The following MTIF3 variants were observed in gnomAD, a reference collection of about 807,000 sequenced individuals.
MTIF3 encodes the protein translation initiation factor IF-3, mitochondrial.
A neutral mutation model predicts 20.7 loss-of-function variants in MTIF3; 13 were observed. The observed-to-expected ratio is 0.63, with a 90% CI of 0.41 to 1.00. MTIF3 has a LOEUF of 1.00. Ranked by LOEUF, MTIF3 falls within the 50% of genes least tolerant of loss-of-function variation. MTIF3 has a pLI of 0.00. For synonymous variants in MTIF3, 114 were observed against 112.5 expected (o/e 1.01, Z -0.08); for missense variants, 295 against 324.5 (o/e 0.91, Z 0.70).
intron 1 of MTIF3, among the ~76,000 whole-genome samples, chr13:27,446,943 C>T (rs965631739): frequency 3.3e-5 from 5 of 151,988 alleles, no homozygotes; most frequent in African/African-American, 4.8e-5. Context: ...CTATATAATT[C>T]GTCCATGTAA....
intron 2 of MTIF3, among the ~76,000 whole-genome samples, chr13:27,443,921 CTA>C (rs1186670787): frequency 6.6e-6 from 1 of 151,902 alleles, no homozygotes; most frequent in Non-Finnish European, 1.5e-5. Flanking sequence ...AAAATAAAGA[CTA>C]TTTCAGAAAA....
At chr13:27,436,825 C>T (rs935663641) in intron 4 of MTIF3, among the ~76,000 whole-genome samples, 3 of 139,422 alleles carry the variant, frequency 2.2e-5, no homozygotes, top group African/African-American at 8.1e-5. Context: ...GATCTCGGCT[C>T]ACTGCAAGCT....
At chr13:27,440,495 C>A in intron 2 of MTIF3, 46 bp from the exon 3 acceptor site, 1 of 1,446,856 alleles carries the variant, frequency 6.9e-7, no homozygotes, top group South Asian at 1.3e-5. Context: ...ATCACTTATT[C>A]CCTTGGTCTG....
chr13:27,438,832 T>TTGAC (rs1451854659), intron 3 of MTIF3, among the ~76,000 whole-genome samples: 1 of 151,860 alleles, frequency 6.6e-6, no homozygotes, highest in African/African-American at 2.4e-5. Context: ...TTGACGTCAT[T>TTGAC]ATCCTCCCTG....
At chr13:27,443,053 C>T (rs543879267) in intron 2 of MTIF3, among the ~76,000 whole-genome samples, 154 of 152,366 alleles carry the variant, frequency 1.0e-3, no homozygotes, top group African/African-American at 3.1e-3. Flanking sequence ...TGGCATTTAA[C>T]CTCTACACCT....
At chr13:27,436,745 A>ATTTTTTTTTTT (rs66903644) in intron 4 of MTIF3, among the ~76,000 whole-genome samples, 1 of 90,192 alleles carries the variant, frequency 1.1e-5, no homozygotes, top group Non-Finnish European at 2.0e-5. Context: ...ATTTTCTACA[A>ATTTTTTTTTTT]TTTTTTTTTT....
intron 4 of MTIF3, among the ~76,000 whole-genome samples, chr13:27,436,211 C>T (rs1186017112): frequency 6.6e-6 from 1 of 152,160 alleles, no homozygotes; most frequent in African/African-American, 2.4e-5. Flanking sequence ...AATACCTCCT[C>T]ATCCCCAAGG....
chr13:27,436,409 TA>T (rs199637855), intron 4 of MTIF3, among the ~76,000 whole-genome samples: 45 of 143,046 alleles, frequency 3.1e-4, no homozygotes, highest in Admixed American at 2.8e-4. Context: ...ATCTAACTTT[TA>T]AAAAAAAAAA....
intron 1 of MTIF3, among the ~76,000 whole-genome samples, chr13:27,449,468 T>C (rs1470204754): frequency 1.3e-5 from 2 of 152,210 alleles, no homozygotes; most frequent in Non-Finnish European, 2.9e-5. Context: ...GTTTCTTCTT[T>C]ATGCCTAGGC....
At chr13:27,449,098 C>G (rs1954271254) in intron 1 of MTIF3, among the ~76,000 whole-genome samples, 1 of 152,160 alleles carries the variant, frequency 6.6e-6, no homozygotes, top group Non-Finnish European at 1.5e-5. Context: ...CTATGTTAGT[C>G]TTCTTCCAGA....
chr13:27,444,252 G>GC (rs1432869881), intron 2 of MTIF3, among the ~76,000 whole-genome samples: 10 of 152,062 alleles, frequency 6.6e-5, no homozygotes, highest in Admixed American at 1.3e-4. Flanking sequence ...CTAGCAGTGA[G>GC]CGAGATTGCG....
At chr13:27,447,124 G>C (rs1473821006) in intron 1 of MTIF3, among the ~76,000 whole-genome samples, 1 of 145,772 alleles carries the variant, frequency 6.9e-6, no homozygotes, top group Non-Finnish European at 1.5e-5. Flanking sequence ...CGGCCTGTCG[G>C]CATCACCTGG....
At chr13:27,446,546 G>C (rs1355579270) in intron 1 of MTIF3, among the ~76,000 whole-genome samples, 1 of 152,190 alleles carries the variant, frequency 6.6e-6, no homozygotes, top group African/African-American at 2.4e-5. Context: ...CATTTTTAAA[G>C]AACAAATCAA....
Position 27,447,549 on chromosome 13 carries a change from G to T in MTIF3, c.-70-2393C>A, listed in dbSNP as rs191080543. ...ATTACTTATAATGCATAACTTTATA[G>T]TATGATATCCATTTTTAATTCGATG... is the stretch of plus-strand genomic sequence containing the variant. On this transcript the variant is annotated intron_variant, in intron 1 of 4. Transcript: ENST00000381120. Among the ~76,000 whole-genome samples the T allele has an allele frequency of 3.2e-4, 48 of 152,170 alleles. 1 individual carries two copies. The East Asian group carries it at 9.3e-3, about 29-fold the overall frequency.
At chr13:27,437,542 C>T (rs760550911) in intron 3 of MTIF3, among the ~76,000 whole-genome samples, 9 of 152,150 alleles carry the variant, frequency 5.9e-5, no homozygotes, top group Non-Finnish European at 1.3e-4. Context: ...AAAAGATAGT[C>T]GTTTAAAGGA....
At chr13:27,448,270 C>G (rs1294206754) in intron 1 of MTIF3, among the ~76,000 whole-genome samples, 1 of 152,350 alleles carries the variant, frequency 6.6e-6, no homozygotes, top group East Asian at 1.9e-4. Flanking sequence ...CTGATATTCA[C>G]AAGCTCATAC....
chr13:27,440,473 C>T, intron 2 of MTIF3, 24 bp from the exon 3 acceptor site: 1 of 1,526,242 alleles, frequency 6.6e-7, no homozygotes, highest in Non-Finnish European at 8.9e-7. Context: ...AAGAAGAGTT[C>T]ATTAAAATTC....
intron 2 of MTIF3, 136 bp from the exon 3 acceptor site, chr13:27,440,585 CTTT>C: frequency 1.5e-6 from 1 of 685,348 alleles, no homozygotes; most frequent in South Asian, 2.0e-5. Flanking sequence ...GTTCTCTAGA[CTTT>C]CAGATCCACA....
At chr13:27,436,026 C>A in intron 4 of MTIF3, 133 bp from the exon 5 acceptor site, 2 of 655,824 alleles carry the variant, frequency 3.0e-6, no homozygotes, top group Non-Finnish European at 5.3e-6. Flanking sequence ...CTAATCAGTT[C>A]ATACGTATCT....
Sources: allele counts gnomAD v4.1 joint callset (sites outside exome capture counted in the v4.1 genomes callset), GRCh38; gene constraint gnomAD v4.1.1; transcripts MANE v1.5; gene names NCBI Gene and HGNC (gene_info 2026-07-23, HGNC 2026-07-21).